Variants in LMF1 observed in about 807,000 individuals in gnomAD.
LMF1 encodes lipase maturation factor 1.
A neutral mutation model predicts 60.6 loss-of-function variants in LMF1; 68 were observed. The ratio of observed to expected loss-of-function variants is 1.12; its 90% CI spans 0.92 to 1.37. The LOEUF (loss-of-function observed/expected upper bound fraction) is 1.37. LMF1 is among the 40% of genes most tolerant of loss of function. The pLI is 0.00. For missense variants in LMF1, 948 were observed against 767.2 expected, an observed-to-expected ratio of 1.24 and a Z score of -2.78; for synonymous variants, 418 against 324.7, an observed-to-expected ratio of 1.29 and a Z score of -3.09.
At chr16:868,750 G>A (rs183798330) in intron 10 of LMF1, among the ~76,000 whole-genome samples, 194 bp downstream of exon 10, 1 of 112,876 alleles carries the variant, frequency 8.9e-6, no homozygotes, top group East Asian at 2.9e-4. Context: ...GGTGGGACCA[G>A]CCTTGATGCC....
At chr16:951,211 T>C (rs389498) in intron 2 of LMF1, among the ~76,000 whole-genome samples, 12 of 44,086 alleles carry the variant, frequency 2.7e-4, no homozygotes, top group African/African-American at 1.9e-3. Context: ...AGTCAGCCAA[T>C]GACAGAGTCA....
At chr16:888,001 G>A (rs1208348068) in intron 5 of LMF1, among the ~76,000 whole-genome samples, 1 of 152,202 alleles carries the variant, frequency 6.6e-6, no homozygotes, top group African/African-American at 2.4e-5. Context: ...GTGGTGCGTG[G>A]CCTGGGCCCC....
At chr16:919,919 G>A (rs558414211) in intron 3 of LMF1, among the ~76,000 whole-genome samples, 4 of 152,230 alleles carry the variant, frequency 2.6e-5, no homozygotes, top group South Asian at 2.1e-4. Flanking sequence ...TCCTGCCCCC[G>A]GCACCATCCT....
intron 3 of LMF1, chr16:933,529 G>A (rs182879383): frequency 9.1e-4 from 154 of 169,070 alleles, no homozygotes; most frequent in African/African-American, 3.6e-3. Context: ...AGAGAGTTCG[G>A]GGCAGAGAGA....
intron 1 of LMF1, chr16:979,804 G>T: frequency 2.2e-6 from 1 of 453,148 alleles, no homozygotes; most frequent in Non-Finnish European, 4.4e-6. Context: ...AGTTTGGACC[G>T]GACCCCCACC....
rs562755885 is a variant in LMF1, at chr16:906,520, G to C, written c.663+4411C>G. ...CCTGCCCTCAAACATGGGACTCCAG[G>C]TTCTTCCGTTCTGAGACTCGGGACC... On this transcript the variant is annotated intron_variant, in intron 4 of 10. Transcript: ENST00000262301. 5.3e-5 allele frequency among the ~76,000 whole-genome samples: 8 copies of C among 152,264 alleles called. No individual in the cohort carries two copies. In the South Asian group the frequency reaches 1.7e-3, roughly 32 times the overall value.
chr16:888,162 G>A lies in LMF1; in HGVS notation c.729+4845C>T, dbSNP rs1176282317. Among the ~76,000 whole-genome samples the A allele has an allele frequency of 3.3e-5, 5 of 152,058 alleles. 1 individual carries two copies. In the South Asian group the frequency reaches 1.0e-3, roughly 31 times the overall value. The stretch of plus-strand genomic sequence containing the variant: ...GCCTCGGCCCAAGCCTTGGGGTGCA[G>A]GGGGTGGAGCTCAGTGGGGTACTCC... On this transcript the variant is annotated intron_variant, in intron 5 of 10. Coordinates refer to ENST00000262301, the MANE Select transcript of LMF1 (RefSeq NM_022773.4).
chr16:927,226 G>C (rs905248306), intron 3 of LMF1, among the ~76,000 whole-genome samples: 1 of 152,216 alleles, frequency 6.6e-6, no homozygotes, highest in African/African-American at 2.4e-5. Context: ...CCCATGTCAC[G>C]TGGCGGGCTC....
intron 10 of LMF1, among the ~76,000 whole-genome samples, chr16:867,360 A>C (rs528921760): frequency 3.3e-5 from 5 of 152,218 alleles, no homozygotes; most frequent in Admixed American, 6.5e-5. Flanking sequence ...GTGCTTGGCC[A>C]GAAGAGGCTT....
intron 3 of LMF1, among the ~76,000 whole-genome samples, chr16:919,018 C>T (rs996716422): frequency 2.6e-5 from 4 of 152,106 alleles, no homozygotes; most frequent in Non-Finnish European, 5.9e-5. Context: ...GGCTGGAGCC[C>T]GCACAGCACA....
upstream of LMF1, among the ~76,000 whole-genome samples, chr16:975,042 G>A (rs2151503335): frequency 6.6e-6 from 1 of 152,320 alleles, no homozygotes; most frequent in African/African-American, 2.4e-5. Context: ...CGTGAGGCTG[G>A]CAGGTGCGGG....
intron 1 of LMF1, chr16:976,896 C>A (rs756087585): frequency 1.1e-5 from 5 of 454,034 alleles, no homozygotes; most frequent in Non-Finnish European, 1.8e-5. Flanking sequence ...GCTACTCCCG[C>A]CAGCGCGGGT....
At chr16:913,093 C>T (rs1360545805) in intron 3 of LMF1, among the ~76,000 whole-genome samples, 3 of 152,242 alleles carry the variant, frequency 2.0e-5, no homozygotes, top group Non-Finnish European at 4.4e-5. Flanking sequence ...TCCCGTTGCG[C>T]AGCTGCACGC....
At chr16:933,628 G>C (rs958152312) in intron 3 of LMF1, 4 of 215,002 alleles carry the variant, frequency 1.9e-5, no homozygotes, top group East Asian at 1.1e-4. Flanking sequence ...AGGCAGGGGT[G>C]GGGGTATGGT....
At chr16:973,077 G>A (rs577585077), upstream of LMF1, among the ~76,000 whole-genome samples, 85 of 152,268 alleles carry the variant, frequency 5.6e-4, no homozygotes, top group African/African-American at 1.8e-3. Context: ...TCCAGGAGCC[G>A]GGCGCCTGTC....
In LMF1 at chr16:878,555, C is replaced by T. The variant is rs2070062404; in HGVS notation, c.897+1015G>A. The stretch of plus-strand genomic sequence containing the variant: ...CTGCACGGCAGGCTGTGGTGAAAAC[C>T]AGAAACTACCACACGTGCACAGACG... On this transcript the variant is annotated intron_variant, in intron 6 of 10. Transcript: ENST00000262301. The surrounding 1 kb of genome is among the most constrained non-coding windows in gnomAD (Gnocchi z 5.2). 1.3e-5 allele frequency among the ~76,000 whole-genome samples: 2 copies of T among 152,228 alleles called. No homozygotes were observed. The highest frequency in any genetic ancestry group is 2.1e-4 in the South Asian group (1 of 4,836).
intron 2 of LMF1, among the ~76,000 whole-genome samples, chr16:948,816 GAGTCAGCCA>G: frequency 1.6e-5 from 2 of 124,280 alleles, no homozygotes; most frequent in Admixed American, 8.1e-5. Flanking sequence ...GCCAACGACA[GAGTCAGCCA>G]ACGACAGAGT....
intron 10 of LMF1, chr16:855,949 G>A (rs1410837695): frequency 1.5e-5 from 7 of 455,838 alleles, no homozygotes; most frequent in Non-Finnish European, 2.2e-5. Flanking sequence ...AGTCTCTTTG[G>A]GTCTGGGTGT....
chr16:856,074 C>A (rs1241838658), intron 10 of LMF1: 1 of 413,438 alleles, frequency 2.4e-6, no homozygotes, highest in Admixed American at 2.7e-5. Context: ...AGAGAGGGAT[C>A]AGCAGCTCCA....
Sources: gnomAD v4.1 joint callset for allele counts (sites outside exome capture counted in the v4.1 genomes callset) on GRCh38, gnomAD v4.1.1 for gene constraint, Gnocchi (gnomAD v3.1) non-coding constraint, MANE v1.5 for transcripts, NCBI Gene and HGNC (gene_info 2026-07-23, HGNC 2026-07-21) for gene names.